IL1RAPL2: variants seen among roughly 807,000 people sequenced by gnomAD.
The protein encoded by IL1RAPL2 is interleukin 1 receptor accessory protein like 2.
Under a neutral mutation model 44.1 loss-of-function variants are expected in IL1RAPL2, and 3 were observed. That is an observed-to-expected ratio of 0.07 (90% CI 0.03 to 0.18). IL1RAPL2 has a LOEUF of 0.18. IL1RAPL2 is among the 10% of genes least tolerant of loss of function. IL1RAPL2 has a pLI of 1.00. For synonymous variants in IL1RAPL2, 181 were observed against 178.8 expected, an observed-to-expected ratio of 1.01 and a Z score of -0.10; for missense variants, 391 against 496.4, an observed-to-expected ratio of 0.79 and a Z score of 2.02.
intron 2 of IL1RAPL2, among the ~76,000 whole-genome samples, chrX:104,793,275 G>T (rs1362037135): frequency 8.9e-6 from 1 of 112,142 alleles, no homozygotes; most frequent in African/African-American, 3.2e-5. Flanking sequence ...GAGAGGCTGA[G>T]AATCTGCTTT....
intron 2 of IL1RAPL2, among the ~76,000 whole-genome samples, chrX:104,696,664 C>T (rs1387959642): frequency 9.0e-6 from 1 of 111,364 alleles, no homozygotes; most frequent in African/African-American, 3.3e-5. Context: ...GAATAGTTGA[C>T]CAGCCAGTAT....
intron 2 of IL1RAPL2, among the ~76,000 whole-genome samples, chrX:105,034,860 A>C (rs1162315847): frequency 7.1e-5 from 8 of 112,218 alleles, no homozygotes; most frequent in Admixed American, 3.8e-4. Context: ...CAGAATCAGG[A>C]AGGCCTCCTT....
At chrX:104,983,437 A>ATATATTATACATAATATTATATAATAT (rs377552534) in intron 2 of IL1RAPL2, among the ~76,000 whole-genome samples, 4 of 88,823 alleles carry the variant, frequency 4.5e-5, no homozygotes, top group Non-Finnish European at 6.6e-5. Context: ...ATAATATATA[A>ATATATTATACATAATATTATATAATAT]TAGATACATA....
intron 2 of IL1RAPL2, among the ~76,000 whole-genome samples, chrX:104,998,673 A>G (rs2030793552): frequency 9.0e-6 from 1 of 111,491 alleles, no homozygotes; most frequent in African/African-American, 3.3e-5. Flanking sequence ...CTCAGGAGGC[A>G]GGAGAATTGC....
intron 1 of IL1RAPL2, among the ~76,000 whole-genome samples, chrX:104,573,489 G>A (rs973993154): frequency 2.7e-5 from 3 of 111,773 alleles, no homozygotes; most frequent in Non-Finnish European, 3.8e-5. Context: ...CCAAAAACAC[G>A]TTCACAAAGG....
In IL1RAPL2 at chrX:104,840,420, T is replaced by A. The variant is rs1028661107; in HGVS notation, c.82+181425T>A. Among the ~76,000 whole-genome samples, 3 of 112,016 alleles carry A rather than the reference T, an allele frequency of 2.7e-5. No individual in the cohort carries two copies. In the South Asian group the frequency reaches 1.1e-3, roughly 42 times the overall value. On this transcript the variant is annotated intron_variant, in intron 2 of 10. Transcript: ENST00000372582. ...GTGTTCTAATTTGATTGCACTGTGG[T>A]CTGAGAGACTGTTTGTTATGATTTC... is the stretch of plus-strand genomic sequence containing the variant.
intron 5 of IL1RAPL2, among the ~76,000 whole-genome samples, chrX:105,443,551 G>A (rs958223492): frequency 2.7e-5 from 3 of 111,392 alleles, no homozygotes; most frequent in East Asian, 2.8e-4. Flanking sequence ...CTATCACCAC[G>A]AATTTAAATG....
chrX:105,043,285 G>A (rs1047373684), intron 2 of IL1RAPL2, among the ~76,000 whole-genome samples: 2 of 110,836 alleles, frequency 1.8e-5, no homozygotes, highest in Non-Finnish European at 3.8e-5. Context: ...TATCACGGCA[G>A]ACTAGCCAGG....
intron 5 of IL1RAPL2, chrX:105,406,616 C>T (rs1013483451): frequency 1.7e-6 from 2 of 1,160,241 alleles, no homozygotes; most frequent in African/African-American, 3.5e-5. Flanking sequence ...CCAATTTAAG[C>T]CGCTGTAATC....
chrX:105,032,825 G>A (rs2031535970), intron 2 of IL1RAPL2, among the ~76,000 whole-genome samples: 1 of 111,195 alleles, frequency 9.0e-6, no homozygotes, highest in African/African-American at 3.3e-5. Context: ...TGACAGTGGG[G>A]TGTTAAAGTC....
chrX:104,664,191 C>A, intron 2 of IL1RAPL2, among the ~76,000 whole-genome samples: 1 of 111,153 alleles, frequency 9.0e-6, no homozygotes, highest in Non-Finnish European at 1.9e-5. Flanking sequence ...ATATCTTCTT[C>A]CATTATCAAC....
chrX:105,402,387 C>T (rs1414549753), intron 5 of IL1RAPL2, among the ~76,000 whole-genome samples: 2 of 111,690 alleles, frequency 1.8e-5, no homozygotes, highest in Admixed American at 9.5e-5. Flanking sequence ...CTTTCCTAGC[C>T]TGTTTTCAAA....
At chrX:105,058,373 A>G (rs1036849382) in intron 2 of IL1RAPL2, among the ~76,000 whole-genome samples, 4 of 112,197 alleles carry the variant, frequency 3.6e-5, no homozygotes, top group African/African-American at 1.3e-4. Flanking sequence ...GGCGTGAGCC[A>G]CTGCACCTGG....
chrX:104,947,259 G>A (rs1327044566), intron 2 of IL1RAPL2, among the ~76,000 whole-genome samples: 2 of 107,967 alleles, frequency 1.9e-5, no homozygotes, highest in East Asian at 2.9e-4. Context: ...TTTTTGATGG[G>A]GTTGTTTGTT....
chrX:105,158,554 A>C (rs111378983), intron 2 of IL1RAPL2, among the ~76,000 whole-genome samples: 9,617 of 111,362 alleles, frequency 0.086, 1,016 homozygotes, highest in African/African-American at 0.3. Context: ...CTATTTCTCC[A>C]ATACCCCACA....
At chrX:105,406,455 C>T in intron 5 of IL1RAPL2, 42 of 1,192,502 alleles carry the variant, frequency 3.5e-5, no homozygotes, top group Non-Finnish European at 4.7e-5. Flanking sequence ...AATTCTCAAC[C>T]ACCGGAGGAT....
chrX:104,795,848 T>C (rs1038977425), intron 2 of IL1RAPL2, among the ~76,000 whole-genome samples: 2 of 112,083 alleles, frequency 1.8e-5, no homozygotes, highest in African/African-American at 6.5e-5. Context: ...CTGACTTATA[T>C]GGACAAATAG....
At chrX:104,962,349 T>C (rs1248811246) in intron 2 of IL1RAPL2, among the ~76,000 whole-genome samples, 1 of 112,070 alleles carries the variant, frequency 8.9e-6, no homozygotes, top group Non-Finnish European at 1.9e-5. Context: ...GACTAAGCTA[T>C]TTTAGTAATT....
At position 105,238,675 on chromosome X, in the gene IL1RAPL2, G is replaced by A. The variant is rs782231373; in HGVS notation, c.543+4671G>A. On this transcript the variant is annotated intron_variant, in intron 4 of 10. Transcript: ENST00000372582. The stretch of plus-strand genomic sequence containing the variant: ...CCCTTTTGGTTTTGTCTGGTCTGTT[G>A]GGGCCTAGTGCATGACATGAGCTGA... Among the ~76,000 whole-genome samples the A allele has an allele frequency of 3.6e-5, 4 of 111,277 alleles. No homozygotes were observed. The South Asian group carries it at 1.2e-3, about 32-fold the overall frequency.
Sources: allele counts gnomAD v4.1 joint callset (sites outside exome capture counted in the v4.1 genomes callset), GRCh38; gene constraint gnomAD v4.1.1; transcripts MANE v1.5; gene names NCBI Gene and HGNC (gene_info 2026-07-23, HGNC 2026-07-21).